The following ENOX1 variants were observed in gnomAD, a reference collection of about 807,000 sequenced individuals.
ENOX1 encodes ecto-NOX disulfide-thiol exchanger 1, also known as candidate growth-related and time keeping constitutive hydroquinone (NADH) oxidase.
ENOX1 carries 42 observed loss-of-function variants against 82.5 expected under a neutral mutation model. The observed-to-expected ratio is 0.51, with a 90% CI of 0.40 to 0.66. The LOEUF (loss-of-function observed/expected upper bound fraction) is 0.66. Ranked by LOEUF, ENOX1 falls within the 30% of genes least tolerant of loss-of-function variation. The probability of loss-of-function intolerance (pLI) is 0.00; values close to 1 mark genes in which losing one functional copy is unlikely to be tolerated. For missense variants in ENOX1, 608 were observed against 811.6 expected (o/e 0.75, Z 3.05); for synonymous variants, 271 against 282.2 (o/e 0.96, Z 0.40).
chr13:43,277,670 G>A (rs939304217), intron 12 of ENOX1, among the ~76,000 whole-genome samples: 3 of 152,206 alleles, frequency 2.0e-5, no homozygotes, highest in South Asian at 2.1e-4. Flanking sequence ...TGAAGGGAGG[G>A]CACAGGCTGT....
chr13:43,509,261 T>C (rs1402057692), intron 2 of ENOX1, among the ~76,000 whole-genome samples: 1 of 152,064 alleles, frequency 6.6e-6, no homozygotes, highest in Admixed American at 6.6e-5. Flanking sequence ...TCCCCACTAG[T>C]ATCTAACACA....
rs60207637 is a variant in ENOX1 at position 43,786,822 on chromosome 13, T to TGCCGCC, written c.-461_-456dup. 31 of 152,318 alleles carry TGCCGCC rather than the reference T, an allele frequency of 2.0e-4. No homozygotes were observed. Among genetic ancestry groups the TGCCGCC allele is most frequent in the African/African-American group, 5.6e-4 (23 of 41,254 alleles). The allele number at this position is 152,318 out of a possible 1,614,324, so 9.4% of individuals were successfully genotyped here. A position where few individuals can be genotyped will look rare whatever the true frequency, so the allele number is the denominator to read the frequency against. Reference sequence around the variant, plus strand: ...GGGCTGCAGTCGCCGTTCCCTCTGCTGCCGCCGCCGCTGCAGCAGACAGAG... The same window carrying TGCCGCC: ...GGGCTGCAGTCGCCGTTCCCTCTGCTGCCGCCGCCGCCGCCGCTGCAGCAGACAGAG... On this transcript the variant is annotated 5_prime_UTR_variant, in exon 1 of 17. Coordinates refer to ENST00000690772, the MANE Select transcript of ENOX1 (RefSeq NM_001347969.2). This position sits in a 1 kb window ranked among gnomAD's most constrained non-coding sequence, Gnocchi z 6.0.
intron 2 of ENOX1, among the ~76,000 whole-genome samples, chr13:43,494,362 G>C (rs1052914113): frequency 6.6e-6 from 1 of 152,108 alleles, no homozygotes; most frequent in Non-Finnish European, 1.5e-5. Context: ...GTCAAGCAGA[G>C]ACCACGTACA....
At position 43,728,367 on chromosome 13, in the gene ENOX1, G is replaced by A. The variant is rs79922152; in HGVS notation, c.-285+58285C>T. Among the ~76,000 whole-genome samples the A allele has an allele frequency of 9.0e-3, 1,366 of 152,260 alleles. 22 individuals carry two copies. Among genetic ancestry groups the A allele is most frequent in the African/African-American group, 0.031 (1,294 of 41,544 alleles). Reference sequence around the variant, plus strand: ...TTGTCAGTTAAAGATTTTGAGGGGAGAAAAAACCATTTATTTCTTTCCATA... The same window carrying A: ...TTGTCAGTTAAAGATTTTGAGGGGAAAAAAAACCATTTATTTCTTTCCATA... On this transcript the variant is annotated intron_variant, in intron 1 of 16. Coordinates refer to ENST00000690772, the MANE Select transcript of ENOX1 (RefSeq NM_001347969.2).
At chr13:43,730,875 C>A (rs2089300817) in intron 1 of ENOX1, among the ~76,000 whole-genome samples, 1 of 152,142 alleles carries the variant, frequency 6.6e-6, no homozygotes, top group Non-Finnish European at 1.5e-5. Flanking sequence ...CTCAGCTCCT[C>A]CAGGAAGCAT....
chr13:43,332,868 T>C (rs564024987), intron 9 of ENOX1, among the ~76,000 whole-genome samples: 82 of 147,590 alleles, frequency 5.6e-4, no homozygotes, highest in Admixed American at 1.5e-3. Context: ...AGGGACGATA[T>C]AAAAAAAAAA....
chr13:43,634,412 G>A (rs1181709030), intron 2 of ENOX1, among the ~76,000 whole-genome samples: 3 of 152,140 alleles, frequency 2.0e-5, no homozygotes, highest in Non-Finnish European at 2.9e-5. Context: ...TACCACCTAC[G>A]ATGGATTTCA....
intron 1 of ENOX1, among the ~76,000 whole-genome samples, chr13:43,763,902 T>TA (rs2153836173): frequency 6.6e-6 from 1 of 152,300 alleles, no homozygotes; most frequent in African/African-American, 2.4e-5. Context: ...GAAAAAGAGT[T>TA]ACATGTATTA....
chr13:43,746,254 T>A (rs1218469958), intron 1 of ENOX1, among the ~76,000 whole-genome samples: 1 of 152,134 alleles, frequency 6.6e-6, no homozygotes, highest in Non-Finnish European at 1.5e-5. Flanking sequence ...AGATTTATAT[T>A]TTTTATATTA....
Position 43,543,635 on chromosome 13 carries a change from TTTTC to T in ENOX1, c.-218-59487_-218-59484del, listed in dbSNP as rs576344658. ...TGCCTTTAGAACAAAATAGTAAGTTTTTTCTTTATTTCTGTTACCCATAATGATG... is the reference window on the plus strand; with the variant it reads ...TGCCTTTAGAACAAAATAGTAAGTTTTTTATTTCTGTTACCCATAATGATG... On this transcript the variant is annotated intron_variant, in intron 2 of 16. Transcript: ENST00000690772. Among the ~76,000 whole-genome samples the T allele has an allele frequency of 1.8e-4, 28 of 151,464 alleles. No homozygotes were observed. The South Asian group carries it at 5.5e-3, about 30-fold the overall frequency.
intron 2 of ENOX1, among the ~76,000 whole-genome samples, chr13:43,581,125 CTTTTTTTTTT>C (rs1174448355): frequency 1.3e-5 from 1 of 77,100 alleles, no homozygotes; most frequent in African/African-American, 5.2e-5. Flanking sequence ...CTACCTGATT[CTTTTTTTTTT>C]TTTTTTTTTT....
At chr13:43,437,246 T>C (rs2153618787) in intron 3 of ENOX1, among the ~76,000 whole-genome samples, 1 of 152,228 alleles carries the variant, frequency 6.6e-6, no homozygotes, top group Non-Finnish European at 1.5e-5. Context: ...AATCCGCACA[T>C]TGGGAAGGGT....
At chr13:43,362,187 A>G (rs2050566517) in intron 5 of ENOX1, among the ~76,000 whole-genome samples, 2 of 142,184 alleles carry the variant, frequency 1.4e-5, no homozygotes, top group Non-Finnish European at 1.6e-5. Context: ...ACACACACAC[A>G]CACTTGAAAA....
intron 2 of ENOX1, among the ~76,000 whole-genome samples, chr13:43,629,602 A>AT (rs1387447276): frequency 1.3e-5 from 2 of 152,202 alleles, no homozygotes; most frequent in Non-Finnish European, 2.9e-5. Context: ...GGAATTCTGT[A>AT]TTTTTAATTC....
intron 2 of ENOX1, among the ~76,000 whole-genome samples, chr13:43,503,900 A>G (rs973920112): frequency 6.6e-6 from 1 of 151,782 alleles, no homozygotes; most frequent in Non-Finnish European, 1.5e-5. Flanking sequence ...CAAAATGAAA[A>G]GGTAACTTAC....
chr13:43,546,092 T>C (rs1293297488), intron 2 of ENOX1: 1 of 152,250 alleles, frequency 6.6e-6, no homozygotes, highest in Non-Finnish European at 1.5e-5. Flanking sequence ...ATTTAAGTGC[T>C]AGGAATACGG....
chr13:43,737,095 T>C (rs1260283114), intron 1 of ENOX1, among the ~76,000 whole-genome samples: 1 of 152,216 alleles, frequency 6.6e-6, no homozygotes, highest in Non-Finnish European at 1.5e-5. Flanking sequence ...CATTGCACCT[T>C]ATACTTTCCA....
intron 3 of ENOX1, among the ~76,000 whole-genome samples, chr13:43,458,170 A>G (rs975271268): frequency 1.3e-5 from 2 of 152,212 alleles, no homozygotes; most frequent in African/African-American, 4.8e-5. Context: ...CCATCATCAT[A>G]TCTTTGAGCT....
rs1048423927 is a variant in ENOX1, at chr13:43,630,510, A to C, written c.-219+36969T>G. On this transcript the variant is annotated intron_variant, in intron 2 of 16. Transcript: ENST00000690772. The stretch of plus-strand genomic sequence containing the variant: ...TTGCCATTAATACACAGTCCCCAGA[A>C]GGGTTTTTGTTGGTTTTACTTCAAA... Among the ~76,000 whole-genome samples, 13 of 152,264 alleles carry C rather than the reference A, an allele frequency of 8.5e-5. No homozygotes were observed. The East Asian group carries it at 2.1e-3, about 25-fold the overall frequency.
Sources: allele counts gnomAD v4.1 joint callset (sites outside exome capture counted in the v4.1 genomes callset), GRCh38; gene constraint gnomAD v4.1.1; non-coding constraint Gnocchi (gnomAD v3.1); transcripts MANE v1.5; gene names NCBI Gene and HGNC (gene_info 2026-07-23, HGNC 2026-07-21).